F5: variants seen among roughly 807,000 people sequenced by gnomAD.
F5 encodes the protein coagulation factor V.
F5 carries 138 observed loss-of-function variants against 216.4 expected under a neutral mutation model. That is an observed-to-expected ratio of 0.64 (90% CI 0.56 to 0.73). The LOEUF is 0.73. Ranked by LOEUF, F5 falls within the 30% of genes least tolerant of loss-of-function variation. F5 has a pLI of 0.00. For synonymous variants in F5, 916 were observed against 930.7 expected, an observed-to-expected ratio of 0.98 and a Z score of 0.29; for missense variants, 2,403 against 2,674.0, an observed-to-expected ratio of 0.90 and a Z score of 2.24.
intron 16 of F5, 72 bp downstream of exon 16, chr1:169,529,536 A>C: frequency 1.5e-6 from 2 of 1,367,742 alleles, no homozygotes; most frequent in Non-Finnish European, 2.1e-6. Context: ...TCTTGTGAAT[A>C]TCTAAGGGCA....
intron 1 of F5, among the ~76,000 whole-genome samples, chr1:169,584,896 C>A (rs1227314365): frequency 6.6e-6 from 1 of 152,142 alleles, no homozygotes; most frequent in Admixed American, 6.5e-5. Context: ...AGTCATGGTT[C>A]CCTGTGTACT....
rs1168785209 is a variant in F5, at chr1:169,550,117, G to GA, written c.1397-103dup. 4.4e-6 allele frequency: 4 copies of GA among 918,292 alleles called. No homozygotes were observed. In the African/African-American group the frequency reaches 6.8e-5, roughly 16 times the overall value. 56.9% of individuals were successfully genotyped at this position (918,292 alleles called of 1,614,324 possible). A position where few individuals can be genotyped will look rare whatever the true frequency, so the allele number is the denominator to read the frequency against. On this transcript the variant is annotated intron_variant, in intron 9 of 24. Coordinates refer to ENST00000367797, the MANE Select transcript of F5 (RefSeq NM_000130.5). ...CTGGAACCAATTAATATTGCAAAAG[G>GA]AATTCTTTTATTTTTATTTTTTTTA...
At chr1:169,545,048 A>G (rs912212682) in intron 11 of F5, among the ~76,000 whole-genome samples, 5 of 152,202 alleles carry the variant, frequency 3.3e-5, no homozygotes, top group African/African-American at 1.2e-4. Flanking sequence ...ATTTTTATTT[A>G]CTTATGTACT....
chr1:169,542,971 G>T lies in F5; in HGVS notation c.2119C>A (p.Arg707=), dbSNP rs139222212. The T allele has an allele frequency of 1.2e-5, 19 of 1,613,974 alleles. No homozygotes were observed. The highest frequency in any genetic ancestry group is 1.1e-4 in the East Asian group (5 of 44,874). ...EPPESTVMAT[R]KMHDRLEPED... ...GGTTCTAAACGATCATGCATTTTCC[G>T]TGTAGCCATGACTGTAGATTCTGGA... is the stretch of plus-strand genomic sequence containing the variant. Residue 707 remains arginine (R), a synonymous_variant, in exon 13 of 25, where the codon CGG becomes AGG. Coordinates refer to ENST00000367797, the MANE Select transcript of F5 (RefSeq NM_000130.5).
At chr1:169,525,862 T>C (rs753637581) in intron 18 of F5, 39 bp downstream of exon 18, 1 of 1,423,460 alleles carries the variant, frequency 7.0e-7, no homozygotes, top group Admixed American at 1.7e-5. Context: ...TAATAGGCAC[T>C]CTCCTGCCAA....
rs760488939 is a variant in F5, at chr1:169,549,900, T to C, written c.1512A>G (p.Pro504=). ...TENDAQCLTR[P]YYSDVDIMRD... is the part of the protein sequence containing the mutation. ...TCATGATGTCCACGTCACTGTAGTA[T>C]GGTCTTGTTAAGCACTGGGCATCAT... Residue 504 remains proline (P), a synonymous_variant, in exon 10 of 25, where the codon CCA becomes CCG. Coordinates refer to ENST00000367797, the MANE Select transcript of F5 (RefSeq NM_000130.5). 57 of 1,614,162 alleles carry C rather than the reference T, an allele frequency of 3.5e-5. No individual in the cohort carries two copies. The South Asian group carries it at 5.2e-4, about 15-fold the overall frequency.
In F5 at chr1:169,552,745, A is replaced by G. The variant is rs1300089207; in HGVS notation, c.1119-11T>C. 2 of 1,601,952 alleles carry G rather than the reference A, an allele frequency of 1.2e-6. No individual in the cohort carries two copies. The highest frequency in any genetic ancestry group is 2.2e-4 in the Middle Eastern group (1 of 4,512). ...TGAGACCTGTATTTTCTTAAAGTGA[A>G]GTAAAAAAAAATTAAACCACTTTCT... On this transcript the variant is annotated splice_polypyrimidine_tract_variant and intron_variant, in intron 7 of 24. Coordinates refer to ENST00000367797, the MANE Select transcript of F5 (RefSeq NM_000130.5).
At chr1:169,580,882 C>T (rs187810559) in intron 2 of F5, among the ~76,000 whole-genome samples, 1 of 152,038 alleles carries the variant, frequency 6.6e-6, no homozygotes, top group East Asian at 1.9e-4. Context: ...CTACTGAGTG[C>T]CTATTATGTG....
intron 18 of F5, 120 bp downstream of exon 18, chr1:169,525,781 A>C (rs1340607788): frequency 1.5e-5 from 12 of 796,952 alleles, no homozygotes; most frequent in Non-Finnish European, 2.7e-5. Context: ...TTATGGCTAC[A>C]AATTATGCCT....
At chr1:169,529,915 G>T (rs1483346471) in intron 15 of F5, 97 bp from the exon 16 acceptor site, 4 of 964,276 alleles carry the variant, frequency 4.1e-6, no homozygotes, top group South Asian at 1.3e-5. Flanking sequence ...TTTCTGATAG[G>T]CTCTGAATTT....
chr1:169,560,654 ATGGGTGGGTCCAC>A lies in F5; in HGVS notation c.473_485del (p.Ser158MetfsTer17). ...TGTGTGTGAGGCATGGAGGGTCATC[ATGGGTGGGTCCAC>A]TGTCCTCACTGATACTCCATTCATA... On this transcript the variant is annotated frameshift_variant, in exon 4 of 25. Coordinates refer to ENST00000367797, the MANE Select transcript of F5 (RefSeq NM_000130.5). LOFTEE classifies it high-confidence loss of function. The A allele has an allele frequency of 6.2e-7, 1 of 1,613,806 alleles. No individual in the cohort carries two copies. Among genetic ancestry groups the A allele is most frequent in the Non-Finnish European group, 8.5e-7 (1 of 1,179,816 alleles).
chr1:169,520,967 T>C (rs892051286), intron 21 of F5, among the ~76,000 whole-genome samples: 1 of 152,062 alleles, frequency 6.6e-6, no homozygotes, highest in Admixed American at 6.6e-5. Context: ...AACAAAATGG[T>C]GATCAGTGTC....
chr1:169,540,847 G>C lies in F5; in HGVS notation c.4243C>G (p.Leu1415Val), dbSNP rs773140848. ...DLDQMTLSPDLGETDLSPNFG... is the reference protein window; with the variant it reads ...DLDQMTLSPDVGETDLSPNFG... Reference sequence around the variant, plus strand: ...TTTGGGGAAAGATCTGTCTCACCAAGGTCTGGAGAAAGTGTCATCTGGTCG... The same window carrying C: ...TTTGGGGAAAGATCTGTCTCACCAACGTCTGGAGAAAGTGTCATCTGGTCG... Residue 1415 changes from leucine to valine, a missense_variant, in exon 13 of 25, where the codon CTT (leucine) becomes GTT (valine). By Grantham distance (32) the Leu-to-Val change is conservative. Around this residue, in one of 4 missense-constraint regions of F5, gnomAD observed 293 missense variants for 270.8 expected, o/e 1.08. Coordinates refer to ENST00000367797, the MANE Select transcript of F5 (RefSeq NM_000130.5). The C allele has an allele frequency of 1.7e-5, 28 of 1,611,972 alleles. No individual in the cohort carries two copies. In the South Asian group the frequency reaches 3.0e-4, roughly 17 times the overall value.
intron 16 of F5, among the ~76,000 whole-genome samples, chr1:169,528,941 G>T (rs1459343047): frequency 3.9e-5 from 6 of 152,148 alleles, no homozygotes; most frequent in Non-Finnish European, 8.8e-5. Context: ...AATTATATCA[G>T]GCGTGAGAAC....
At chr1:169,568,120 C>G (rs1205312960) in intron 3 of F5, among the ~76,000 whole-genome samples, 1 of 152,118 alleles carries the variant, frequency 6.6e-6, no homozygotes, top group South Asian at 2.1e-4. Context: ...ACTCTAGTCA[C>G]ACAAATTAAT....
chr1:169,550,297 C>G (rs1424523857), intron 9 of F5, among the ~76,000 whole-genome samples: 1 of 133,090 alleles, frequency 7.5e-6, no homozygotes, highest in Non-Finnish European at 1.6e-5. Flanking sequence ...CACCCCCCCC[C>G]CCCGACAGGC....
intron 24 of F5, among the ~76,000 whole-genome samples, chr1:169,515,000 T>A (rs1338791604): frequency 1.3e-5 from 2 of 152,160 alleles, no homozygotes; most frequent in African/African-American, 4.8e-5. Flanking sequence ...TAAAAATGTA[T>A]GTCAACGTAA....
intron 21 of F5, 36 bp from the exon 22 acceptor site, chr1:169,520,700 T>G: frequency 1.3e-6 from 2 of 1,577,484 alleles, no homozygotes; most frequent in South Asian, 1.1e-5. Flanking sequence ...TATGTAACAA[T>G]GATCTATAAA....
At chr1:169,572,583 A>G (rs1660751043) in intron 2 of F5, among the ~76,000 whole-genome samples, 1 of 152,240 alleles carries the variant, frequency 6.6e-6, no homozygotes, top group Non-Finnish European at 1.5e-5. Flanking sequence ...AAGTCAACAG[A>G]GTAGGAGAAA....
Sources: allele counts gnomAD v4.1 joint callset (sites outside exome capture counted in the v4.1 genomes callset), GRCh38; gene constraint gnomAD v4.1.1; regional missense constraint gnomAD v4.1.1; transcripts MANE v1.5; gene names NCBI Gene and HGNC (gene_info 2026-07-23, HGNC 2026-07-21).